ICA1: variants seen among roughly 807,000 people sequenced by gnomAD.
ICA1 encodes the protein 69 kDa islet cell autoantigen.
In ICA1, 40 loss-of-function variants were observed where a neutral mutation model predicts 71.0. The ratio of observed to expected loss-of-function variants is 0.56; its 90% CI spans 0.44 to 0.73. The LOEUF is 0.73. Ranked by LOEUF, ICA1 falls within the 30% of genes least tolerant of loss-of-function variation. The pLI is 0.00. For synonymous variants in ICA1, 207 were observed against 209.5 expected, an observed-to-expected ratio of 0.99 and a Z score of 0.10; for missense variants, 578 against 576.5, an observed-to-expected ratio of 1.00 and a Z score of -0.03.
chr7:8,160,737 C>T (rs1414712891), intron 6 of ICA1, among the ~76,000 whole-genome samples: 1 of 152,210 alleles, frequency 6.6e-6, no homozygotes, highest in Non-Finnish European at 1.5e-5. Context: ...GATCAGTAGC[C>T]ACCCAGTTCC....
At chr7:8,149,065 A>T (rs1392375714) in intron 8 of ICA1, among the ~76,000 whole-genome samples, 7 of 152,192 alleles carry the variant, frequency 4.6e-5, no homozygotes, top group South Asian at 2.1e-4. Context: ...AGGGGTGACA[A>T]TATTTTCTGT....
chr7:8,124,574 C>G (rs1278717206), intron 13 of ICA1, among the ~76,000 whole-genome samples: 2 of 152,090 alleles, frequency 1.3e-5, no homozygotes, highest in African/African-American at 2.4e-5. Flanking sequence ...AGCATAATGT[C>G]CATCCTTCAT....
At chr7:8,143,997 GA>G in intron 8 of ICA1, 25 bp from the exon 9 acceptor site, 1 of 1,168,918 alleles carries the variant, frequency 8.6e-7, no homozygotes, top group Non-Finnish European at 1.2e-6. Context: ...ATAGAAAAAT[GA>G]AAAAGAAAAA....
intron 4 of ICA1, chr7:8,227,730 C>G (rs746876810): frequency 3.4e-5 from 14 of 412,760 alleles, no homozygotes; most frequent in Non-Finnish European, 5.8e-5. Flanking sequence ...TGCACATGCA[C>G]GGTACCCGGA....
At chr7:8,122,570 T>C (rs1787419002) in intron 13 of ICA1, among the ~76,000 whole-genome samples, 1 of 152,238 alleles carries the variant, frequency 6.6e-6, no homozygotes, top group African/African-American at 2.4e-5. Flanking sequence ...CTGCTCTGCA[T>C]TCAAACTATA....
Position 8,120,049 on chromosome 7 carries a change from G to C in ICA1, c.1331-6005C>G, listed in dbSNP as rs1207324538. ...AACACCTAGAACCCATGGATTTGGA[G>C]GCTTCTCTGCAGCAGAAGACATGAA... On this transcript the variant is annotated intron_variant, in intron 13 of 13. Transcript: ENST00000402384. Among the ~76,000 whole-genome samples the C allele has an allele frequency of 2.0e-5, 3 of 152,152 alleles. No homozygotes were observed. The East Asian group carries it at 5.8e-4, about 29-fold the overall frequency.
At chr7:8,199,687 C>A (rs1412605880) in intron 6 of ICA1, among the ~76,000 whole-genome samples, 1 of 152,174 alleles carries the variant, frequency 6.6e-6, no homozygotes, top group Non-Finnish European at 1.5e-5. Context: ...GTGCTCCACA[C>A]TGATGACAGA....
At chr7:8,141,365 C>G (rs909079783) in intron 10 of ICA1, among the ~76,000 whole-genome samples, 2 of 152,204 alleles carry the variant, frequency 1.3e-5, no homozygotes, top group Non-Finnish European at 2.9e-5. Flanking sequence ...CAAACATCCA[C>G]CCGCCCCACA....
In ICA1 at chr7:8,157,158, C is replaced by T. The variant is rs1389022899; in HGVS notation, c.762G>A (p.Glu254=). ...CATATGGTTGATAACCTTTGAAACT[C>T]TCATGGATGGCTGCCATAGTGTGAG... ...KTSHTMAAIH[E]SFKGYQPYEF... Residue 254 remains glutamate, a synonymous_variant, in exon 8 of 14, where the codon GAG becomes GAA. Coordinates refer to ENST00000402384, the MANE Select transcript of ICA1 (RefSeq NM_001136020.3). The T allele has an allele frequency of 2.5e-6, 4 of 1,613,108 alleles. No homozygotes were observed. In the South Asian group the frequency reaches 4.4e-5, roughly 18 times the overall value.
At chr7:8,161,264 G>T (rs574374951) in intron 6 of ICA1, among the ~76,000 whole-genome samples, 11 of 152,142 alleles carry the variant, frequency 7.2e-5, no homozygotes, top group African/African-American at 2.7e-4. Context: ...TCTTAAGGAG[G>T]ACAGACAAGT....
At chr7:8,133,312 C>G (rs1359716353) in intron 12 of ICA1, among the ~76,000 whole-genome samples, 1 of 151,988 alleles carries the variant, frequency 6.6e-6, no homozygotes, top group Non-Finnish European at 1.5e-5. Flanking sequence ...CTTGTTTTTT[C>G]TTTATAGAGT....
At position 8,144,156 on chromosome 7, in the gene ICA1, A is replaced by G. The variant is rs1796143587; in HGVS notation, c.805-184T>C. Among the ~76,000 whole-genome samples the G allele has an allele frequency of 1.3e-5, 2 of 152,218 alleles. No individual in the cohort carries two copies. Among genetic ancestry groups the G allele is most frequent in the African/African-American group, 4.8e-5 (2 of 41,462 alleles). ...TCAGCTGGAAGAAATAAAATTTTAT[A>G]TGGTGAAGCAACAATGTTCTCAGAC... On this transcript the variant is annotated intron_variant, in intron 8 of 13. Coordinates refer to ENST00000402384, the MANE Select transcript of ICA1 (RefSeq NM_001136020.3). This position sits in a 1 kb window ranked among gnomAD's most constrained non-coding sequence, Gnocchi z 4.5.
intron 6 of ICA1, among the ~76,000 whole-genome samples, chr7:8,186,836 G>C (rs930631687): frequency 6.6e-6 from 1 of 152,108 alleles, no homozygotes; most frequent in Non-Finnish European, 1.5e-5. Context: ...ACTAGTTAGA[G>C]TTGTATTCTT....
chr7:8,211,653 C>G (rs1482968150), intron 6 of ICA1, among the ~76,000 whole-genome samples: 2 of 152,190 alleles, frequency 1.3e-5, no homozygotes, highest in African/African-American at 4.8e-5. Context: ...CAACTGGACA[C>G]TTAAAAATGG....
intron 1 of ICA1, among the ~76,000 whole-genome samples, chr7:8,238,976 G>A (rs1167716924): frequency 6.6e-6 from 1 of 152,196 alleles, no homozygotes; most frequent in Non-Finnish European, 1.5e-5. Context: ...ATTAAAGTAT[G>A]AGAACCACAG....
At chr7:8,190,518 T>G (rs148061744) in intron 6 of ICA1, among the ~76,000 whole-genome samples, 50 of 152,354 alleles carry the variant, frequency 3.3e-4, no homozygotes, top group African/African-American at 1.2e-3. Flanking sequence ...TGAAATGTGT[T>G]CAACTGCATT....
chr7:8,124,111 A>AT (rs536582712), intron 13 of ICA1, among the ~76,000 whole-genome samples: 3,686 of 107,440 alleles, frequency 0.034, 357 homozygotes, highest in Middle Eastern at 0.046. Context: ...GAATCATACA[A>AT]TTTTTTTTTT....
chr7:8,235,871 T>C (rs1364286612), intron 2 of ICA1, 39 bp downstream of exon 2: 1 of 1,601,270 alleles, frequency 6.2e-7, no homozygotes, highest in Admixed American at 1.7e-5. Flanking sequence ...CTATATGCTT[T>C]CTACTTTCCC....
intron 6 of ICA1, among the ~76,000 whole-genome samples, chr7:8,176,637 A>C (rs1054427953): frequency 6.6e-6 from 1 of 151,694 alleles, no homozygotes; most frequent in African/African-American, 2.4e-5. Context: ...TGAACAAATC[A>C]CTCCTCAGGC....
Sources: allele counts gnomAD v4.1 joint callset (sites outside exome capture counted in the v4.1 genomes callset), GRCh38; gene constraint gnomAD v4.1.1; non-coding constraint Gnocchi (gnomAD v3.1); transcripts MANE v1.5; gene names NCBI Gene and HGNC (gene_info 2026-07-23, HGNC 2026-07-21).